The following ANTXR2 variants were observed in gnomAD, a reference collection of about 807,000 sequenced individuals.
The protein encoded by ANTXR2 is anthrax toxin receptor 2.
ANTXR2 carries 44 observed loss-of-function variants against 73.7 expected under a neutral mutation model. The observed-to-expected ratio is 0.60, with a 90% CI of 0.47 to 0.77. The LOEUF (loss-of-function observed/expected upper bound fraction) is 0.77, where lower values mean the gene tolerates loss of function less well. ANTXR2 is among the 30% of genes least tolerant of loss of function. The pLI, the probability that ANTXR2 is intolerant of heterozygous loss-of-function variation, is 0.00. For synonymous variants in ANTXR2, 217 were observed against 205.9 expected, an observed-to-expected ratio of 1.05 and a Z score of -0.46; for missense variants, 604 against 592.5, an observed-to-expected ratio of 1.02 and a Z score of -0.20.
intron 4 of ANTXR2, 68 bp downstream of exon 4, chr4:80,055,864 G>C: frequency 4.3e-6 from 5 of 1,161,238 alleles, no homozygotes; most frequent in Non-Finnish European, 6.0e-6. Context: ...AGCTTTGCTA[G>C]AGGGTTTTAT....
intron 12 of ANTXR2, among the ~76,000 whole-genome samples, chr4:80,008,311 G>C (rs1232533064): frequency 6.6e-6 from 1 of 151,982 alleles, no homozygotes; most frequent in Non-Finnish European, 1.5e-5. Flanking sequence ...CCACAAACCT[G>C]ATTTAAAAGT....
At chr4:79,985,478 C>T (rs1730102090) in intron 12 of ANTXR2, among the ~76,000 whole-genome samples, 1 of 152,166 alleles carries the variant, frequency 6.6e-6, no homozygotes. Flanking sequence ...TGTTGAGGAA[C>T]ACTGCTGTCA....
At position 79,932,775 on chromosome 4, in the gene ANTXR2, A is replaced by G. The variant is rs188082734; in HGVS notation, c.1429-25308T>C. 1.8e-3 allele frequency among the ~76,000 whole-genome samples: 257 copies of G among 144,538 alleles called. 9 individuals carry two copies. The East Asian group carries it at 0.041, about 23-fold the overall frequency. 94.8% of individuals were successfully genotyped at this position (144,538 alleles called of 152,430 possible). ...CCATTGCATTCCAGCCTGGGCAACA[A>G]GAGCAAAACTCCATCTCAAAAAAAA... is the stretch of plus-strand genomic sequence containing the variant. On this transcript the variant is annotated intron_variant, in intron 16 of 16. Transcript: ENST00000403729.
At chr4:79,948,755 AAGG>A (rs1293314354) in intron 16 of ANTXR2, among the ~76,000 whole-genome samples, 1 of 152,096 alleles carries the variant, frequency 6.6e-6, no homozygotes, top group Admixed American at 6.6e-5. Flanking sequence ...AAATGCAAAG[AAGG>A]AGAAGGAAGG....
At chr4:80,019,805 A>T (rs1056542194) in intron 10 of ANTXR2, among the ~76,000 whole-genome samples, 2 of 152,200 alleles carry the variant, frequency 1.3e-5, no homozygotes, top group African/African-American at 4.8e-5. Context: ...AGAGATAATA[A>T]TTTTTGTCCC....
chr4:79,978,017 G>A lies in ANTXR2; in HGVS notation c.1337C>T (p.Thr446Ile), dbSNP rs1309741566. The change falls in exon 15 of 17, where the codon ACC (threonine) becomes ATC (isoleucine). Residue 446 changes from threonine to isoleucine, a missense_variant. By Grantham distance (89) the Thr-to-Ile change is moderately conservative (BLOSUM62 -1). Coordinates refer to ENST00000403729, the MANE Select transcript of ANTXR2 (RefSeq NM_058172.6). The part of the protein sequence containing the change: ...THQPPQTKWY[T>I]PIKGRLDALW... The stretch of plus-strand genomic sequence containing the variant: ...AATCTGGACACATACCTTAATTGGG[G>A]TGTACCATTTTGTCTGAGGAGGCTG... 1 of 1,597,268 alleles carries A rather than the reference G, an allele frequency of 6.3e-7. No individual in the cohort carries two copies. The highest frequency in any genetic ancestry group is 1.4e-5 in the African/African-American group (1 of 73,422).
At chr4:79,931,152 G>GTGCA (rs1728039272) in intron 16 of ANTXR2, among the ~76,000 whole-genome samples, 1 of 152,120 alleles carries the variant, frequency 6.6e-6, no homozygotes, top group Non-Finnish European at 1.5e-5. Context: ...TGTCATATAA[G>GTGCA]TGCACACATA....
chr4:80,065,913 G>A (rs1172696083), intron 3 of ANTXR2, among the ~76,000 whole-genome samples: 2 of 152,276 alleles, frequency 1.3e-5, no homozygotes, highest in South Asian at 4.1e-4. Context: ...ATTTGTGATT[G>A]TAATATATAA....
At chr4:80,003,514 A>G (rs995033405) in intron 12 of ANTXR2, among the ~76,000 whole-genome samples, 1 of 151,952 alleles carries the variant, frequency 6.6e-6, no homozygotes, top group South Asian at 2.1e-4. Context: ...ATACATATGT[A>G]ACTAACCTGC....
intron 11 of ANTXR2, among the ~76,000 whole-genome samples, chr4:80,016,993 C>T (rs538356593): frequency 4.8e-4 from 73 of 152,350 alleles, no homozygotes; most frequent in African/African-American, 1.7e-3. Flanking sequence ...GATGTTTCCA[C>T]GTTTGCTGCT....
chr4:79,907,132 C>G lies in ANTXR2; in HGVS notation c.*297G>C, dbSNP rs1177726150. ...GTTGCTTTTTCCTCTTCTACACATT[C>G]AAACAAACTTTCTTGTACAAACCAT... On this transcript the variant is annotated 3_prime_UTR_variant, in exon 17 of 17. Transcript: ENST00000403729. 1 of 422,114 alleles carries G rather than the reference C, an allele frequency of 2.4e-6. No homozygotes were observed. Among genetic ancestry groups the G allele is most frequent in the Non-Finnish European group, 4.2e-6 (1 of 239,338 alleles). 26.1% of individuals were successfully genotyped at this position (422,114 alleles called of 1,614,324 possible).
At chr4:80,048,525 A>C (rs1237766067) in intron 7 of ANTXR2, among the ~76,000 whole-genome samples, 2 of 151,710 alleles carry the variant, frequency 1.3e-5, no homozygotes, top group African/African-American at 4.8e-5. Context: ...GTATCTTTAC[A>C]GTTGCTCAGG....
chr4:79,985,633 T>C (rs1479723069), intron 12 of ANTXR2, among the ~76,000 whole-genome samples: 1 of 152,078 alleles, frequency 6.6e-6, no homozygotes, highest in African/African-American at 2.4e-5. Context: ...AAAGTCCATC[T>C]TGGACACTCA....
At chr4:79,977,800 A>G in intron 15 of ANTXR2, 99 bp from the exon 16 acceptor site, 1 of 1,314,448 alleles carries the variant, frequency 7.6e-7, no homozygotes, top group Non-Finnish European at 1.0e-6. Flanking sequence ...AATCTTCTTT[A>G]CCCTCATTTC....
chr4:80,004,886 C>T (rs551960299), intron 12 of ANTXR2, among the ~76,000 whole-genome samples: 1 of 151,902 alleles, frequency 6.6e-6, no homozygotes, highest in South Asian at 2.1e-4. Flanking sequence ...GGAGAATTAC[C>T]ACCATTGGAA....
intron 16 of ANTXR2, among the ~76,000 whole-genome samples, chr4:79,952,643 A>G (rs1299104350): frequency 1.3e-5 from 2 of 151,956 alleles, no homozygotes; most frequent in Non-Finnish European, 2.9e-5. Flanking sequence ...CATTAATACT[A>G]TTAATTAATC....
intron 7 of ANTXR2, among the ~76,000 whole-genome samples, chr4:80,041,119 A>T (rs1733225072): frequency 1.3e-5 from 2 of 151,996 alleles, no homozygotes; most frequent in South Asian, 4.1e-4. Context: ...AAATATTTTT[A>T]TCCATGTTTT....
chr4:80,071,782 G>C, intron 1 of ANTXR2, 128 bp from the exon 2 acceptor site: 1 of 705,442 alleles, frequency 1.4e-6, no homozygotes, highest in Non-Finnish European at 2.4e-6. Context: ...CTAAGTAAGG[G>C]TATCTGTAGC....
At chr4:80,008,668 A>T in intron 11 of ANTXR2, 52 bp from the exon 12 acceptor site, 4 of 1,163,236 alleles carry the variant, frequency 3.4e-6, no homozygotes. Context: ...TTATGGTCAA[A>T]TTCCAAATGT....
Sources: gnomAD v4.1 joint callset for allele counts (sites outside exome capture counted in the v4.1 genomes callset) on GRCh38, gnomAD v4.1.1 for gene constraint, MANE v1.5 for transcripts, NCBI Gene and HGNC (gene_info 2026-07-23, HGNC 2026-07-21) for gene names.